PTPRG: variants seen among roughly 807,000 people sequenced by gnomAD.
PTPRG encodes the protein receptor-type tyrosine-protein phosphatase gamma.
In PTPRG, 102 loss-of-function variants were observed where a neutral mutation model predicts 165.3. The observed-to-expected ratio is 0.62, with a 90% CI of 0.53 to 0.73. The LOEUF (loss-of-function observed/expected upper bound fraction) is 0.73, where lower values mean the gene tolerates loss of function less well. PTPRG is among the 30% of genes least tolerant of loss of function. PTPRG has a pLI of 0.00. For synonymous variants in PTPRG, 675 were observed against 669.5 expected (o/e 1.01, Z -0.13); for missense variants, 1,866 against 1,861.4 (o/e 1.00, Z -0.05).
chr3:62,231,883 A>G (rs1304708487), intron 14 of PTPRG, among the ~76,000 whole-genome samples: 1 of 152,062 alleles, frequency 6.6e-6, no homozygotes, highest in Non-Finnish European at 1.5e-5. Flanking sequence ...TACTTGGAAA[A>G]ATTATTGTCC....
intron 4 of PTPRG, among the ~76,000 whole-genome samples, chr3:62,047,263 T>TTATG (rs36041942): frequency 1.4e-4 from 21 of 149,958 alleles, no homozygotes; most frequent in African/African-American, 2.7e-4. Context: ...ATTTATTTAT[T>TTATG]TATTTATTTT....
chr3:61,756,737 A>C (rs976223459), intron 2 of PTPRG, among the ~76,000 whole-genome samples: 6 of 152,222 alleles, frequency 3.9e-5, no homozygotes, highest in African/African-American at 1.4e-4. Flanking sequence ...AAAGTCTAGC[A>C]GTAAGATGAA....
chr3:62,011,683 A>G (rs1012209778), intron 4 of PTPRG, among the ~76,000 whole-genome samples: 1 of 148,632 alleles, frequency 6.7e-6, no homozygotes, highest in African/African-American at 2.4e-5. Context: ...GTGTTAATTA[A>G]GAGGAACATG....
chr3:62,174,951 C>T (rs982738352), intron 8 of PTPRG, among the ~76,000 whole-genome samples: 1 of 152,130 alleles, frequency 6.6e-6, no homozygotes, highest in South Asian at 2.1e-4. Context: ...TCAAAAATAA[C>T]TTTGATTTGT....
chr3:61,971,214 G>T lies in PTPRG; in HGVS notation c.191-18411G>T, dbSNP rs78737103. 6.3e-4 allele frequency among the ~76,000 whole-genome samples: 96 copies of T among 152,160 alleles called. 1 individual carries two copies. Among genetic ancestry groups the T allele is most frequent in the African/African-American group, 1.7e-3 (69 of 41,518 alleles). On this transcript the variant is annotated intron_variant, in intron 2 of 29. Transcript: ENST00000474889. ...TTACAGGCATCTGCCAACCATGTCCGGCTAATTTTTTTGTATTTTTAGTAG... is the reference window on the plus strand; with the variant it reads ...TTACAGGCATCTGCCAACCATGTCCTGCTAATTTTTTTGTATTTTTAGTAG...
At chr3:61,595,109 A>C (rs114192818) in intron 1 of PTPRG, among the ~76,000 whole-genome samples, 1 of 152,120 alleles carries the variant, frequency 6.6e-6, no homozygotes, top group East Asian at 1.9e-4. Context: ...CTGTCTGGAC[A>C]TGCTGCATGT....
chr3:61,697,855 A>C (rs1450661915), intron 1 of PTPRG, among the ~76,000 whole-genome samples: 1 of 152,104 alleles, frequency 6.6e-6, no homozygotes, highest in East Asian at 1.9e-4. Flanking sequence ...TATGCCTGTT[A>C]TTCTGTCTGT....
intron 1 of PTPRG, among the ~76,000 whole-genome samples, chr3:61,650,006 T>A (rs1702306091): frequency 6.6e-6 from 1 of 152,226 alleles, no homozygotes; most frequent in African/African-American, 2.4e-5. Context: ...GTTTTACTGC[T>A]AAACCTAATA....
In PTPRG at chr3:61,680,838, G is replaced by C. The variant is rs902362659; in HGVS notation, c.86-68040G>C. On this transcript the variant is annotated intron_variant, in intron 1 of 29. Coordinates refer to ENST00000474889, the MANE Select transcript of PTPRG (RefSeq NM_002841.4). Reference sequence around the variant, plus strand: ...ACCCGGTTGGTGTTTGGTGCCTGCTGTGTAACTTGCTGGGTGTTGGGAACC... The same window carrying C: ...ACCCGGTTGGTGTTTGGTGCCTGCTCTGTAACTTGCTGGGTGTTGGGAACC... Among the ~76,000 whole-genome samples, 11 of 107,806 alleles carry C rather than the reference G, an allele frequency of 1.0e-4. 3 individuals carry two copies. Among genetic ancestry groups the C allele is most frequent in the Admixed American group, 3.1e-4 (3 of 9,748 alleles). The allele number at this position is 107,806 out of a possible 152,430, so 70.7% of individuals were successfully genotyped here. A position where few individuals can be genotyped will look rare whatever the true frequency, so the allele number is the denominator to read the frequency against.
At chr3:61,832,683 C>G (rs2036331029) in intron 2 of PTPRG, among the ~76,000 whole-genome samples, 1 of 151,952 alleles carries the variant, frequency 6.6e-6, no homozygotes, top group Admixed American at 6.6e-5. Flanking sequence ...TTTTTACTTA[C>G]TTTTTTAAAA....
chr3:61,580,571 G>C (rs1700268976), intron 1 of PTPRG, among the ~76,000 whole-genome samples: 1 of 152,030 alleles, frequency 6.6e-6, no homozygotes, highest in Non-Finnish European at 1.5e-5. Flanking sequence ...TCTTGACCTT[G>C]TGATGTGCCC....
chr3:61,708,496 C>T (rs1351370569), intron 1 of PTPRG, among the ~76,000 whole-genome samples: 1 of 117,592 alleles, frequency 8.5e-6, no homozygotes, highest in African/African-American at 3.3e-5. Context: ...CTCTCTTGCT[C>T]TGTCACCCTG....
intron 2 of PTPRG, among the ~76,000 whole-genome samples, chr3:61,830,866 G>A (rs376370478): frequency 6.6e-6 from 1 of 152,200 alleles, no homozygotes; most frequent in African/African-American, 2.4e-5. Flanking sequence ...GGGCCACTGC[G>A]CCCTGCCGAT....
chr3:62,292,411 T>C lies in PTPRG; in HGVS notation c.4056-10T>C, dbSNP rs745613140. The C allele has an allele frequency of 3.1e-6, 5 of 1,599,508 alleles. No individual in the cohort carries two copies. The highest frequency in any genetic ancestry group is 4.3e-6 in the Non-Finnish European group (5 of 1,175,580). On this transcript the variant is annotated splice_polypyrimidine_tract_variant and intron_variant, in intron 28 of 29. Coordinates refer to ENST00000474889, the MANE Select transcript of PTPRG (RefSeq NM_002841.4). ...CATCTGAAATCGTATCTTTTTTTTT[T>C]CTCCCCCAGGTATGGAGCAGTTTCA... is the stretch of plus-strand genomic sequence containing the variant.
chr3:62,153,411 G>A (rs1424619483), intron 6 of PTPRG, among the ~76,000 whole-genome samples: 1 of 152,222 alleles, frequency 6.6e-6, no homozygotes, highest in Admixed American at 6.5e-5. Context: ...TTAAGGCCTA[G>A]GCCTAAGGTT....
At chr3:61,761,079 G>T (rs1313233374) in intron 2 of PTPRG, among the ~76,000 whole-genome samples, 3 of 152,152 alleles carry the variant, frequency 2.0e-5, no homozygotes, top group African/African-American at 7.2e-5. Flanking sequence ...ATGTATCTTT[G>T]TAACAGAATG....
chr3:61,584,604 G>C (rs568675616), intron 1 of PTPRG, among the ~76,000 whole-genome samples: 2 of 148,924 alleles, frequency 1.3e-5, no homozygotes, highest in African/African-American at 4.9e-5. Flanking sequence ...TTTTCTGTCT[G>C]GTGCCCAAAA....
intron 2 of PTPRG, among the ~76,000 whole-genome samples, chr3:61,917,126 C>A (rs991623286): frequency 3.9e-5 from 6 of 152,054 alleles, no homozygotes; most frequent in Admixed American, 1.3e-4. Flanking sequence ...CTTTTTGCGT[C>A]CCCTGCAGCT....
intron 3 of PTPRG, among the ~76,000 whole-genome samples, chr3:61,990,769 A>G (rs1252977153): frequency 6.6e-6 from 1 of 152,116 alleles, no homozygotes; most frequent in East Asian, 1.9e-4. Flanking sequence ...CTTTGTAACC[A>G]AGGATGTCAC....
Sources: allele counts gnomAD v4.1 joint callset (sites outside exome capture counted in the v4.1 genomes callset), GRCh38; gene constraint gnomAD v4.1.1; transcripts MANE v1.5; gene names NCBI Gene and HGNC (gene_info 2026-07-23, HGNC 2026-07-21).